ORMDL3: variants seen among roughly 807,000 people sequenced by gnomAD.
ORMDL3 encodes the protein ORMDL sphingolipid biosynthesis regulator 3.
Under a neutral mutation model 12.6 loss-of-function variants are expected in ORMDL3, and 6 were observed. The ratio of observed to expected loss-of-function variants is 0.48; its 90% CI spans 0.26 to 0.94. ORMDL3 has a LOEUF of 0.94. Among genes scored for constraint, ORMDL3 ranks in the 40% least tolerant of loss-of-function variants. ORMDL3 has a pLI of 0.14. For missense variants in ORMDL3, 159 were observed against 205.5 expected, an observed-to-expected ratio of 0.77 and a Z score of 1.38; for synonymous variants, 99 against 87.2, an observed-to-expected ratio of 1.14 and a Z score of -0.75.
At chr17:39,923,641 C>T (rs1978316704) in intron 2 of ORMDL3, among the ~76,000 whole-genome samples, 1 of 152,036 alleles carries the variant, frequency 6.6e-6, no homozygotes, top group Non-Finnish European at 1.5e-5. Flanking sequence ...CAGAGAAGGG[C>T]AAAAGTGGAA....
rs1332084237 is a variant in ORMDL3 at position 39,921,245 on chromosome 17, C to T, written c.*1305G>A. 6.6e-6 allele frequency: 1 copy of T among 152,670 alleles called. No individual in the cohort carries two copies. Among genetic ancestry groups the T allele is most frequent in the East Asian group, 1.9e-4 (1 of 5,282 alleles). 9.5% of individuals were successfully genotyped at this position (152,670 alleles called of 1,614,324 possible). ...GGACCCCTGGAAGAGGACACAGGGACCCACACCTTTTCAAAATTAACACTG... is the reference window on the plus strand; with the variant it reads ...GGACCCCTGGAAGAGGACACAGGGATCCACACCTTTTCAAAATTAACACTG... On this transcript the variant is annotated 3_prime_UTR_variant, in exon 4 of 4. Transcript: ENST00000304046.
chr17:39,927,105 G>GGCCCCGCA, intron 1 of ORMDL3: 1 of 737,908 alleles, frequency 1.4e-6, no homozygotes, highest in Non-Finnish European at 1.7e-6. Flanking sequence ...CGGGTGCGGG[G>GGCCCCGCA]CCGGGGGGAG....
chr17:39,923,539 C>T (rs1271935827), intron 2 of ORMDL3, among the ~76,000 whole-genome samples: 1 of 151,810 alleles, frequency 6.6e-6, no homozygotes, highest in Non-Finnish European at 1.5e-5. Flanking sequence ...CCAGGCCACT[C>T]ATAGCCCCCT....
Position 39,922,636 on chromosome 17 carries a change from G to A in ORMDL3, c.376C>T (p.Leu126Phe). ...YTKYDQIHFV[L>F]NTVSLMSVLI... ...ACGCTCATCAGGGACACGGTGTTGA[G>A]CACAAAATGGATCTGGTCGTACTTA... is the stretch of plus-strand genomic sequence containing the variant. The change falls in exon 4 of 4, where the codon CTC becomes TTC. Residue 126 changes from leucine to phenylalanine, a missense_variant. By Grantham distance (22) the Leu-to-Phe change is conservative (BLOSUM62 0). Transcript: ENST00000304046. 6.2e-7 allele frequency: 1 copy of A among 1,614,024 alleles called. No individual in the cohort carries two copies. The highest frequency in any genetic ancestry group is 8.5e-7 in the Non-Finnish European group (1 of 1,180,008).
rs1436536360 is a variant in ORMDL3 at position 39,924,038 on chromosome 17, G to C, written c.166C>G (p.His56Asp). 2 of 1,604,830 alleles carry C rather than the reference G, an allele frequency of 1.2e-6. No homozygotes were observed. Among genetic ancestry groups the C allele is most frequent in the Non-Finnish European group, 1.7e-6 (2 of 1,174,850 alleles). The change falls in exon 2 of 4, where the codon CAC becomes GAC. Residue 56 changes from histidine to aspartate, a missense_variant. His to Asp is a moderately conservative substitution (Grantham distance 81). Transcript: ENST00000304046. ...AGCAGACAGGCTCTCACCATGTTGT[G>C]AATGAGGTTGGTGAGGGTCCAGACG... ...PVVWTLTNLI[H>D]NMGMYIFLHT...
At position 39,922,664 on chromosome 17, in the gene ORMDL3, G is replaced by A. The variant is rs369264303; in HGVS notation, c.348C>T (p.Tyr116=). ...CAAAATGGATCTGGTCGTACTTAGT[G>A]TAGAAGCTGGTGAGGAAGTACCTGG... The part of the protein sequence containing the change: ...PIVLYFLTSF[Y]TKYDQIHFVL... The change falls in exon 4 of 4, where the codon TAC becomes TAT. Residue 116 remains tyrosine, a synonymous_variant. Transcript: ENST00000304046. 9 of 1,612,954 alleles carry A rather than the reference G, an allele frequency of 5.6e-6. No homozygotes were observed. Among genetic ancestry groups the A allele is most frequent in the Non-Finnish European group, 7.6e-6 (9 of 1,178,928 alleles).
chr17:39,926,846 CATCCAGGCCTGGATG>C (rs1245214034), intron 1 of ORMDL3: 1 of 985,834 alleles, frequency 1.0e-6, no homozygotes, highest in Non-Finnish European at 1.2e-6. Context: ...GAGCACAAAA[CATCCAGGCCTGGATG>C]GGGACCCCAA....
rs767559009 is a variant in ORMDL3, at chr17:39,924,099, G to A, written c.105C>T (p.Ile35=). 7 of 1,614,088 alleles carry A rather than the reference G, an allele frequency of 4.3e-6. No individual in the cohort carries two copies. Among genetic ancestry groups the A allele is most frequent in the South Asian group, 2.2e-5 (2 of 91,086 alleles). ...TCACAAACGGGATGCTCAGCAGCAC[G>A]ATGTGGAGGAGACCGATGGCCAGCA... ...SYVLAIGLLH[I]VLLSIPFVSV... Residue 35 remains isoleucine, a synonymous_variant, in exon 2 of 4, where the codon ATC becomes ATT. Coordinates refer to ENST00000304046, the MANE Select transcript of ORMDL3 (RefSeq NM_139280.4).
At chr17:39,923,414 G>T in intron 2 of ORMDL3, 151 bp from the exon 3 acceptor site, 2 of 866,970 alleles carry the variant, frequency 2.3e-6, no homozygotes, top group Non-Finnish European at 3.6e-6. Flanking sequence ...GGATGGAGCA[G>T]CTGGGAGTAT....
chr17:39,924,161 G>T lies in ORMDL3; in HGVS notation c.43C>A (p.Arg15=). ...CAGATGCCACGGCTGTTCATCACCC[G>T]CGTGTTGGGGTTCACCTCGCTGTGC... ...TAHSEVNPNT[R]VMNSRGIWLS... Residue 15 remains arginine (R), a synonymous_variant, in exon 2 of 4, where the codon CGG becomes AGG. Transcript: ENST00000304046. The T allele has an allele frequency of 1.9e-6, 3 of 1,613,660 alleles. No homozygotes were observed. Among genetic ancestry groups the T allele is most frequent in the Non-Finnish European group, 2.5e-6 (3 of 1,179,698 alleles).
chr17:39,926,083 C>G (rs1158730555), intron 1 of ORMDL3: 2 of 152,044 alleles, frequency 1.3e-5, no homozygotes, highest in South Asian at 4.1e-4. Flanking sequence ...CCCATCACCT[C>G]TCTGTAACCC....
Position 39,923,246 on chromosome 17 carries a change from C to A in ORMDL3, c.192G>T (p.Leu64=). The change falls in exon 3 of 4, where the codon CTG becomes CTT. Residue 64 remains leucine (L), a synonymous_variant. Transcript: ENST00000304046. ...CAAAGGGTGTCCCCTTCACCGTGTGCAGGAAGATATACATGCCCTGGAGGA... is the reference window on the plus strand; with the variant it reads ...CAAAGGGTGTCCCCTTCACCGTGTGAAGGAAGATATACATGCCCTGGAGGA... The part of the protein sequence containing the change: ...LIHNMGMYIF[L]HTVKGTPFET... 1 of 1,614,172 alleles carries A rather than the reference C, an allele frequency of 6.2e-7. No individual in the cohort carries two copies. The highest frequency in any genetic ancestry group is 8.5e-7 in the Non-Finnish European group (1 of 1,180,008).
intron 1 of ORMDL3, chr17:39,925,521 G>A (rs1191858576): frequency 6.6e-6 from 1 of 152,214 alleles, no homozygotes; most frequent in African/African-American, 2.4e-5. Flanking sequence ...GTCCCAGATG[G>A]AGATATTCTA....
rs1015222447 is a variant in ORMDL3, at chr17:39,923,364, G to C, written c.175-101C>G. The C allele has an allele frequency of 2.7e-5, 37 of 1,345,926 alleles. No individual in the cohort carries two copies. The Admixed American group carries it at 6.5e-4, about 24-fold the overall frequency. The allele number at this position is 1,345,926 out of a possible 1,614,324, so 83.4% of individuals were successfully genotyped here. The stretch of plus-strand genomic sequence containing the variant: ...CACAAGTAACTCCCAGTGATCTGGA[G>C]CCTCCCTCTGCTGGGCAGGGGGATA... On this transcript the variant is annotated intron_variant, in intron 2 of 3. Coordinates refer to ENST00000304046, the MANE Select transcript of ORMDL3 (RefSeq NM_139280.4).
intron 1 of ORMDL3, chr17:39,926,907 C>A: frequency 1.0e-6 from 1 of 986,060 alleles, no homozygotes; most frequent in Non-Finnish European, 1.2e-6. Flanking sequence ...AATGCCATGT[C>A]CATTCCGCCC....
rs1978293512 is a variant in ORMDL3 at position 39,921,228 on chromosome 17, G to C, written c.*1322C>G. 6.5e-6 allele frequency: 1 copy of C among 152,698 alleles called. No individual in the cohort carries two copies. The highest frequency in any genetic ancestry group is 2.1e-4 in the South Asian group (1 of 4,830). The allele number at this position is 152,698 out of a possible 1,614,324, so 9.5% of individuals were successfully genotyped here. ...ACCTCTCCCGTTCCCTTGGACCCCTGGAAGAGGACACAGGGACCCACACCT... is the reference window on the plus strand; with the variant it reads ...ACCTCTCCCGTTCCCTTGGACCCCTCGAAGAGGACACAGGGACCCACACCT... On this transcript the variant is annotated 3_prime_UTR_variant, in exon 4 of 4. Transcript: ENST00000304046.
intron 3 of ORMDL3, 62 bp downstream of exon 3, chr17:39,923,050 G>A (rs1978308746): frequency 1.9e-6 from 3 of 1,598,314 alleles, no homozygotes; most frequent in Non-Finnish European, 2.6e-6. Flanking sequence ...GCATGGCTGG[G>A]CCCTGGGGTC....
intron 3 of ORMDL3, 82 bp from the exon 4 acceptor site, chr17:39,922,767 A>T: frequency 6.7e-7 from 1 of 1,499,018 alleles, no homozygotes; most frequent in East Asian, 2.3e-5. Context: ...GGGGAAAGGC[A>T]GAATCCCAAC....
Position 39,923,094 on chromosome 17 carries a change from T to G in ORMDL3, c.326+18A>C, listed in dbSNP as rs1488820634. 6.2e-7 allele frequency: 1 copy of G among 1,613,996 alleles called. No individual in the cohort carries two copies. The highest frequency in any genetic ancestry group is 8.5e-7 in the Non-Finnish European group (1 of 1,179,894). Reference sequence around the variant, plus strand: ...CTTGCCCTGCCTGCTGGTGTCTTCCTGTAGCCCAGGCACTCACAGCACGAT... The same window carrying G: ...CTTGCCCTGCCTGCTGGTGTCTTCCGGTAGCCCAGGCACTCACAGCACGAT... On this transcript the variant is annotated intron_variant, in intron 3 of 3. Coordinates refer to ENST00000304046, the MANE Select transcript of ORMDL3 (RefSeq NM_139280.4).
Sources: allele counts gnomAD v4.1 joint callset (sites outside exome capture counted in the v4.1 genomes callset), GRCh38; gene constraint gnomAD v4.1.1; transcripts MANE v1.5; gene names NCBI Gene and HGNC (gene_info 2026-07-23, HGNC 2026-07-21).